OASL: variants seen among roughly 807,000 people sequenced by gnomAD.
The protein encoded by OASL is 2'-5'-oligoadenylate synthetase like.
A neutral mutation model predicts 35.3 loss-of-function variants in OASL; 28 were observed. The observed-to-expected ratio is 0.79, with a 90% CI of 0.59 to 1.09. The LOEUF (loss-of-function observed/expected upper bound fraction) is 1.09, where lower values mean the gene tolerates loss of function less well. Ranked by LOEUF, OASL falls within the 50% of genes least tolerant of loss-of-function variation. The pLI is 0.00. For synonymous variants in OASL, 252 were observed against 254.6 expected, an observed-to-expected ratio of 0.99 and a Z score of 0.10; for missense variants, 620 against 635.2, an observed-to-expected ratio of 0.98 and a Z score of 0.26.
intron 4 of OASL, 45 bp from the exon 5 acceptor site, chr12:121,024,182 G>A (rs1225964969): frequency 1.9e-6 from 3 of 1,580,472 alleles, no homozygotes; most frequent in Non-Finnish European, 2.6e-6. Context: ...TGGTTTGAAG[G>A]CCTTCAAGCC....
intron 3 of OASL, among the ~76,000 whole-genome samples, chr12:121,028,335 G>A (rs1405824128): frequency 1.3e-5 from 2 of 152,140 alleles, no homozygotes; most frequent in Non-Finnish European, 2.9e-5. Context: ...GGCCCTGACT[G>A]GCACAGTCCT....
chr12:121,023,861 C>T, intron 5 of OASL, 129 bp downstream of exon 5: 1 of 1,094,536 alleles, frequency 9.1e-7, no homozygotes, highest in Non-Finnish European at 1.3e-6. Flanking sequence ...ATGGGTGGTG[C>T]AGCTGGCCCT....
chr12:121,035,198 C>T (rs1178024255), intron 1 of OASL, among the ~76,000 whole-genome samples: 1 of 151,830 alleles, frequency 6.6e-6, no homozygotes, highest in African/African-American at 2.4e-5. Context: ...TGTCTGGCAC[C>T]CATAAGAGCC....
exon 6 of OASL, chr12:121,020,795 G>A (rs767105495): frequency 6.2e-6 from 10 of 1,614,026 alleles, no homozygotes; most frequent in Admixed American, 5.0e-5. Context: ...GATTCTTCAC[G>A]AAGACCTGGA....
chr12:121,038,666 T>C, intron 1 of OASL, 108 bp downstream of exon 1: 2 of 1,042,396 alleles, frequency 1.9e-6, no homozygotes, highest in South Asian at 1.4e-5. Context: ...TGAGATGTCA[T>C]CAGCATGGGC....
chr12:121,037,543 G>A (rs1240125979), intron 1 of OASL, among the ~76,000 whole-genome samples: 1 of 152,088 alleles, frequency 6.6e-6, no homozygotes, highest in Admixed American at 6.6e-5. Flanking sequence ...GGGAGGCCGA[G>A]GAGGGCAGAT....
intron 2 of OASL, 27 bp from the exon 3 acceptor site, chr12:121,031,644 G>T: frequency 6.3e-7 from 1 of 1,599,970 alleles, no homozygotes; most frequent in Non-Finnish European, 8.6e-7. Context: ...CAAAGGAAGA[G>T]ATTGGGGATT....
chr12:121,033,537 A>T, exon 2 of OASL: 1 of 1,614,074 alleles, frequency 6.2e-7, no homozygotes, highest in Non-Finnish European at 8.5e-7. Flanking sequence ...TGAAGACGAG[A>T]GCATCGGGGA....
intron 4 of OASL, among the ~76,000 whole-genome samples, chr12:121,024,914 G>T (rs1025753506): frequency 6.9e-6 from 1 of 144,660 alleles, no homozygotes; most frequent in African/African-American, 2.6e-5. Context: ...GGTAGGGACT[G>T]TTATTTTTAT....
chr12:121,024,058 A>G, exon 5 of OASL: 2 of 1,614,126 alleles, frequency 1.2e-6, no homozygotes, highest in Non-Finnish European at 1.7e-6. Context: ...AGGCACTGGG[A>G]GGCCCTCTGA....
intron 1 of OASL, among the ~76,000 whole-genome samples, chr12:121,037,326 T>G (rs994448975): frequency 1.3e-5 from 2 of 152,002 alleles, no homozygotes; most frequent in African/African-American, 2.4e-5. Context: ...TGAATTTTGA[T>G]CTTAGCTAGC....
At position 121,025,847 on chromosome 12, in the gene OASL, G is replaced by A. The variant is rs146015280; in HGVS notation, c.900-1710C>T. On this transcript the variant is annotated intron_variant, in intron 4 of 5. Coordinates refer to ENST00000257570, the Ensembl canonical transcript of OASL. ...TTGGGAGGGAGCTGCGACTTCATCT[G>A]TGTAATCGAATGTGACACAGGCTAC... Among the ~76,000 whole-genome samples the A allele has an allele frequency of 8.5e-5, 13 of 152,110 alleles. No homozygotes were observed. The East Asian group carries it at 9.7e-4, about 11-fold the overall frequency.
At chr12:121,033,175 T>C (rs73214164) in intron 2 of OASL, among the ~76,000 whole-genome samples, 22,158 of 152,010 alleles carry the variant, frequency 0.15, 1,909 homozygotes, top group South Asian at 0.23. Context: ...CCACCTGCCT[T>C]GGCCTCCCAA....
At chr12:121,037,892 A>G (rs962544416) in intron 1 of OASL, among the ~76,000 whole-genome samples, 5 of 152,146 alleles carry the variant, frequency 3.3e-5, no homozygotes, top group African/African-American at 1.2e-4. Flanking sequence ...GGAGTTCGAG[A>G]CCAGCATGGG....
chr12:121,021,124 C>T (rs1276547959), intron 5 of OASL, 66 bp from the exon 6 acceptor site: 2 of 1,457,776 alleles, frequency 1.4e-6, no homozygotes, highest in African/African-American at 2.8e-5. Flanking sequence ...GCAAATGTTC[C>T]CTTCATCTGT....
At chr12:121,038,729 T>C in intron 1 of OASL, 45 bp downstream of exon 1, 3 of 1,597,550 alleles carry the variant, frequency 1.9e-6, no homozygotes, top group Non-Finnish European at 2.6e-6. Flanking sequence ...TGGACTCTGA[T>C]ACTGGGTTTT....
intron 1 of OASL, 84 bp from the exon 2 acceptor site, chr12:121,033,827 C>T: frequency 6.9e-7 from 1 of 1,442,002 alleles, no homozygotes; most frequent in Non-Finnish European, 9.5e-7. Flanking sequence ...CACTGTCTCA[C>T]TGAATGCTCA....
intron 4 of OASL, among the ~76,000 whole-genome samples, chr12:121,027,029 A>G (rs1869514901): frequency 6.6e-6 from 1 of 152,092 alleles, no homozygotes; most frequent in African/African-American, 2.4e-5. Context: ...AACCTTCCCT[A>G]GAACGGTAAA....
intron 1 of OASL, among the ~76,000 whole-genome samples, chr12:121,035,785 C>T (rs1036398264): frequency 3.9e-5 from 6 of 152,194 alleles, no homozygotes; most frequent in African/African-American, 1.4e-4. Flanking sequence ...CCAGCACCTC[C>T]ACCCCCTGGG....
Sources: allele counts gnomAD v4.1 joint callset (sites outside exome capture counted in the v4.1 genomes callset), GRCh38; gene constraint gnomAD v4.1.1; transcripts MANE v1.5; gene names NCBI Gene and HGNC (gene_info 2026-07-23, HGNC 2026-07-21).